Variants in FTO observed in about 807,000 individuals in gnomAD.
The protein encoded by FTO is FTO alpha-ketoglutarate dependent dioxygenase, also known as alpha-ketoglutarate-dependent dioxygenase FTO.
FTO carries 47 observed loss-of-function variants against 63.9 expected under a neutral mutation model. The observed-to-expected ratio is 0.74, with a 90% CI of 0.58 to 0.94. FTO has a LOEUF of 0.94. Among genes scored for constraint, FTO ranks in the 40% least tolerant of loss-of-function variants. The pLI is 0.00. For synonymous variants in FTO, 207 were observed against 224.4 expected (o/e 0.92, Z 0.69); for missense variants, 562 against 618.1 (o/e 0.91, Z 0.96).
intron 8 of FTO, among the ~76,000 whole-genome samples, chr16:54,079,073 T>C (rs1250341829): frequency 2.0e-5 from 3 of 152,194 alleles, no homozygotes; most frequent in African/African-American, 7.2e-5. Context: ...AATTTGATTG[T>C]TAAAACTAAA....
At chr16:53,877,567 G>A (rs2080693550) in intron 5 of FTO, among the ~76,000 whole-genome samples, 1 of 152,168 alleles carries the variant, frequency 6.6e-6, no homozygotes, top group Non-Finnish European at 1.5e-5. Flanking sequence ...GGTTGGGGGT[G>A]ACTGCCAAAT....
At chr16:53,815,938 T>A (rs7194276) in intron 2 of FTO, among the ~76,000 whole-genome samples, 1 of 151,942 alleles carries the variant, frequency 6.6e-6, no homozygotes, top group Admixed American at 6.6e-5. Context: ...TGTGAGCCAC[T>A]GCACCCAGCT....
At chr16:53,723,811 A>G (rs1045798470) in intron 1 of FTO, among the ~76,000 whole-genome samples, 8 of 152,170 alleles carry the variant, frequency 5.3e-5, no homozygotes, top group Non-Finnish European at 8.8e-5. Flanking sequence ...TGCTGTCAGC[A>G]CCTGGTACAA....
intron 8 of FTO, among the ~76,000 whole-genome samples, chr16:54,108,054 C>T (rs1303489726): frequency 6.6e-6 from 1 of 152,166 alleles, no homozygotes; most frequent in East Asian, 1.9e-4. Flanking sequence ...CCACCCACAT[C>T]AAGTCATGAA....
At chr16:53,820,733 G>T (rs2078840887) in intron 2 of FTO, among the ~76,000 whole-genome samples, 1 of 151,508 alleles carries the variant, frequency 6.6e-6, no homozygotes, top group Admixed American at 6.6e-5. Context: ...GCGGTGTTTG[G>T]TTTTTTGTTC....
intron 7 of FTO, among the ~76,000 whole-genome samples, chr16:53,917,899 G>A (rs958045399): frequency 1.5e-4 from 23 of 152,204 alleles, no homozygotes; most frequent in South Asian, 8.3e-4. Context: ...AACTCTGCCC[G>A]TGTGATTTTC....
rs572790599 is a variant in FTO, at chr16:53,810,168, A to G, written c.74A>G (p.Asp25Gly). Residue 25 changes from aspartate to glycine, a missense_variant, in exon 2 of 9, where the codon GAC becomes GGC. By Grantham distance (94) the Asp-to-Gly change is moderately conservative (BLOSUM62 -1). Transcript: ENST00000471389. ...CTGAGGCTTCTTGAAGAGCTTGAAG[A>G]CACTTGGCTCCCTTATCTGACCCCC... The part of the protein sequence containing the change: ...KKLRLLEELE[D>G]TWLPYLTPKD... 2 of 1,611,768 alleles carry G rather than the reference A, an allele frequency of 1.2e-6. No individual in the cohort carries two copies. Among genetic ancestry groups the G allele is most frequent in the South Asian group, 2.2e-5 (2 of 91,000 alleles).
intron 3 of FTO, among the ~76,000 whole-genome samples, chr16:53,841,305 T>C (rs2079470287): frequency 6.6e-6 from 1 of 151,734 alleles, no homozygotes; most frequent in South Asian, 2.1e-4. Flanking sequence ...TTATAAAAAA[T>C]GTTTTTTTAA....
chr16:53,763,376 G>C (rs1028512334), intron 1 of FTO, among the ~76,000 whole-genome samples: 2 of 152,026 alleles, frequency 1.3e-5, no homozygotes, highest in African/African-American at 4.8e-5. Flanking sequence ...TTTTACTCGT[G>C]GTTTATTTTA....
chr16:54,096,048 C>G (rs546289883), intron 8 of FTO, among the ~76,000 whole-genome samples: 1 of 152,318 alleles, frequency 6.6e-6, no homozygotes, highest in South Asian at 2.1e-4. Flanking sequence ...GCCACAAAAC[C>G]TGGGACTTGG....
At chr16:53,903,361 C>T (rs149676686) in intron 7 of FTO, among the ~76,000 whole-genome samples, 2,183 of 151,662 alleles carry the variant, frequency 0.014, 24 homozygotes, top group Middle Eastern at 0.038. Context: ...TGGGTCCAAG[C>T]GATTCTCCTG....
At chr16:53,792,116 T>C (rs28567725) in intron 1 of FTO, among the ~76,000 whole-genome samples, 52,348 of 151,534 alleles carry the variant, frequency 0.35, 9,823 homozygotes, top group Non-Finnish European at 0.43. Flanking sequence ...AAATAAAGCG[T>C]GTATATTGAC....
intron 1 of FTO, among the ~76,000 whole-genome samples, chr16:53,750,481 T>G (rs2076762374): frequency 6.6e-6 from 1 of 152,150 alleles, no homozygotes; most frequent in Admixed American, 6.5e-5. Flanking sequence ...TCAGGTCATC[T>G]GCCCTCCTTG....
intron 8 of FTO, among the ~76,000 whole-genome samples, chr16:53,959,077 T>C (rs1370753789): frequency 6.6e-6 from 1 of 152,210 alleles, no homozygotes; most frequent in Non-Finnish European, 1.5e-5. Context: ...CCAAGTACTT[T>C]TTAAGTGCTT....
At chr16:54,043,089 A>G (rs1217946275) in intron 8 of FTO, among the ~76,000 whole-genome samples, 2 of 72,308 alleles carry the variant, frequency 2.8e-5, no homozygotes, top group East Asian at 4.8e-4. Context: ...CACCAGCAAC[A>G]GAACAAAGCT....
chr16:53,979,535 C>CTGTG lies in FTO; in HGVS notation c.1364+45455_1364+45458dup, dbSNP rs57334871. The stretch of plus-strand genomic sequence containing the variant: ...GATTGGATCTTTTTTATGTTTATGG[C>CTGTG]TGTGTGTGTGTGTGTGTGTGTGTGT... On this transcript the variant is annotated intron_variant, in intron 8 of 8. Coordinates refer to ENST00000471389, the MANE Select transcript of FTO (RefSeq NM_001080432.3). The CTGTG allele has an allele frequency of 6.4e-3, 2,404 of 373,200 alleles. 32 individuals carry two copies. Among genetic ancestry groups the CTGTG allele is most frequent in the African/African-American group, 0.036 (1,679 of 46,776 alleles). 23.1% of individuals were successfully genotyped at this position (373,200 alleles called of 1,614,324 possible).
At chr16:54,010,413 G>A (rs1287285659) in intron 8 of FTO, among the ~76,000 whole-genome samples, 3 of 151,912 alleles carry the variant, frequency 2.0e-5, no homozygotes, top group African/African-American at 2.4e-5. Flanking sequence ...CTCAAAAACC[G>A]ACCAGCCAAA....
At chr16:53,916,056 CTTTCT>C (rs1287834720) in intron 7 of FTO, among the ~76,000 whole-genome samples, 3 of 152,160 alleles carry the variant, frequency 2.0e-5, no homozygotes, top group Non-Finnish European at 4.4e-5. Context: ...ACCACACTGG[CTTTCT>C]AAAGCTAAGG....
chr16:53,715,216 A>G (rs78433775), intron 1 of FTO, among the ~76,000 whole-genome samples: 8,393 of 152,204 alleles, frequency 0.055, 357 homozygotes, highest in East Asian at 0.24. Context: ...AATCTTAGCT[A>G]TAGCCCAGGG....
Sources: allele counts gnomAD v4.1 joint callset (sites outside exome capture counted in the v4.1 genomes callset), GRCh38; gene constraint gnomAD v4.1.1; transcripts MANE v1.5; gene names NCBI Gene and HGNC (gene_info 2026-07-23, HGNC 2026-07-21).